SCFD2: variants seen among roughly 807,000 people sequenced by gnomAD.
SCFD2 encodes sec1 family domain containing 2, also known as sec1 family domain-containing protein 2.
A neutral mutation model predicts 58.9 loss-of-function variants in SCFD2; 54 were observed. The ratio of observed to expected loss-of-function variants is 0.92; its 90% CI spans 0.74 to 1.15. SCFD2 has a LOEUF of 1.15. Among genes scored for constraint, SCFD2 ranks in the 50% most tolerant of loss-of-function variants. The pLI, the probability that SCFD2 is intolerant of heterozygous loss-of-function variation, is 0.00. For synonymous variants in SCFD2, 321 were observed against 335.9 expected, an observed-to-expected ratio of 0.96 and a Z score of 0.49; for missense variants, 805 against 836.6, an observed-to-expected ratio of 0.96 and a Z score of 0.47.
intron 5 of SCFD2, among the ~76,000 whole-genome samples, chr4:52,939,028 C>T (rs1720217868): frequency 6.6e-6 from 1 of 152,112 alleles, no homozygotes; most frequent in Admixed American, 6.6e-5. Flanking sequence ...ATCATGGAAG[C>T]CAGGGGACTT....
intron 4 of SCFD2, among the ~76,000 whole-genome samples, chr4:53,219,624 G>C (rs569884533): frequency 6.6e-6 from 1 of 151,998 alleles, no homozygotes; most frequent in Non-Finnish European, 1.5e-5. Context: ...CTCACACTCG[G>C]TGGGCTGCAC....
intron 2 of SCFD2, among the ~76,000 whole-genome samples, chr4:53,341,299 A>G (rs1363853232): frequency 6.6e-6 from 1 of 152,232 alleles, no homozygotes; most frequent in East Asian, 1.9e-4. Context: ...CACAAGAACT[A>G]TATGACACAT....
intron 4 of SCFD2, among the ~76,000 whole-genome samples, chr4:53,180,936 C>A (rs1280824851): frequency 3.3e-5 from 5 of 152,138 alleles, no homozygotes; most frequent in Non-Finnish European, 7.3e-5. Flanking sequence ...CAAATACATG[C>A]TCCCAAGACT....
At chr4:53,233,505 C>T (rs546877904) in intron 4 of SCFD2, among the ~76,000 whole-genome samples, 2 of 152,322 alleles carry the variant, frequency 1.3e-5, no homozygotes, top group African/African-American at 4.8e-5. Context: ...ACTTACTTTG[C>T]CTGATTACTA....
chr4:52,991,382 A>T (rs780935838), intron 5 of SCFD2, among the ~76,000 whole-genome samples: 1 of 152,180 alleles, frequency 6.6e-6, no homozygotes, highest in African/African-American at 2.4e-5. Flanking sequence ...ACTCCCAGAT[A>T]TGTTGATTTC....
At chr4:53,023,757 G>A (rs920747340) in intron 5 of SCFD2, among the ~76,000 whole-genome samples, 14 of 152,142 alleles carry the variant, frequency 9.2e-5, no homozygotes, top group Non-Finnish European at 2.1e-4. Context: ...CTTTTGGAAT[G>A]AGGCATAGTA....
intron 7 of SCFD2, among the ~76,000 whole-genome samples, chr4:52,896,238 A>G (rs1029534850): frequency 1.3e-5 from 2 of 152,208 alleles, no homozygotes; most frequent in African/African-American, 4.8e-5. Flanking sequence ...GTCCTTGCCC[A>G]TGCCTATGTC....
At chr4:52,986,470 C>CT (rs1191658898) in intron 5 of SCFD2, among the ~76,000 whole-genome samples, 2 of 146,268 alleles carry the variant, frequency 1.4e-5, no homozygotes, top group Non-Finnish European at 3.0e-5. Context: ...ACCTTCATCT[C>CT]AAGCTTAGGA....
intron 4 of SCFD2, among the ~76,000 whole-genome samples, chr4:53,215,134 A>C (rs918916699): frequency 2.0e-5 from 3 of 151,950 alleles, no homozygotes; most frequent in Admixed American, 6.6e-5. Context: ...TTGGCAATGC[A>C]GGCTCTTTTT....
At chr4:53,285,067 G>C (rs1174018557) in intron 3 of SCFD2, among the ~76,000 whole-genome samples, 1 of 152,172 alleles carries the variant, frequency 6.6e-6, no homozygotes, top group Non-Finnish European at 1.5e-5. Flanking sequence ...TCTGCTGAAA[G>C]ATCTATTTCA....
chr4:53,163,366 C>T (rs1396277564), intron 4 of SCFD2, among the ~76,000 whole-genome samples: 2 of 152,158 alleles, frequency 1.3e-5, no homozygotes, highest in East Asian at 3.8e-4. Flanking sequence ...CTGGCTTCTT[C>T]CAATTATCAG....
chr4:52,920,771 A>G lies in SCFD2; in HGVS notation c.1661T>C (p.Leu554Pro). The G allele has an allele frequency of 5.0e-6, 8 of 1,611,208 alleles. No homozygotes were observed. The highest frequency in any genetic ancestry group is 6.8e-6 in the Non-Finnish European group (8 of 1,178,064). ...LRDIAGARSL[L>P]KQFKSVYVPG... ...AACATATACAGACTTAAACTGTTTC[A>G]GGAGACTCCGAGCTCCAGCAATATC... The change falls in exon 6 of 9, where the codon CTG becomes CCG. Residue 554 changes from leucine (L) to proline (P), a missense_variant. Leu to Pro is a moderately conservative substitution (Grantham distance 98). Around this residue, in one of 3 missense-constraint regions of SCFD2, gnomAD observed 633 missense variants for 646.8 expected, o/e 0.98. Transcript: ENST00000401642.
chr4:53,073,234 T>C (rs187761829), intron 5 of SCFD2, among the ~76,000 whole-genome samples: 243 of 152,226 alleles, frequency 1.6e-3, no homozygotes, highest in African/African-American at 5.5e-3. Flanking sequence ...CAGGAGGATG[T>C]GCATGGGTTA....
rs559661505 is a variant in SCFD2 at position 52,879,574 on chromosome 4, G to T, written c.1963-5513C>A. 6.6e-5 allele frequency among the ~76,000 whole-genome samples: 10 copies of T among 152,304 alleles called. No individual in the cohort carries two copies. In the East Asian group the frequency reaches 1.9e-3, roughly 29 times the overall value. On this transcript the variant is annotated intron_variant, in intron 8 of 8. Coordinates refer to ENST00000401642, the MANE Select transcript of SCFD2 (RefSeq NM_152540.4). Reference sequence around the variant, plus strand: ...GATGGGGTGGAGGACATCAGCCAGGGAACCAAGTCCCTCCAGCAGCCTTCA... The same window carrying T: ...GATGGGGTGGAGGACATCAGCCAGGTAACCAAGTCCCTCCAGCAGCCTTCA...
chr4:53,032,804 A>T (rs1036068668), intron 5 of SCFD2, among the ~76,000 whole-genome samples: 1 of 152,174 alleles, frequency 6.6e-6, no homozygotes, highest in African/African-American at 2.4e-5. Context: ...ATACACAAGC[A>T]CCCAGATTCA....
intron 3 of SCFD2, among the ~76,000 whole-genome samples, chr4:53,274,361 T>A (rs886263885): frequency 3.3e-5 from 5 of 152,188 alleles, no homozygotes; most frequent in African/African-American, 1.2e-4. Flanking sequence ...TTATGACATA[T>A]GACATAGCAA....
chr4:53,099,267 CAT>C (rs1300805353), intron 5 of SCFD2, among the ~76,000 whole-genome samples: 1 of 152,202 alleles, frequency 6.6e-6, no homozygotes, highest in African/African-American at 2.4e-5. Context: ...CCTTTTGTCA[CAT>C]GAGGTCACAA....
intron 7 of SCFD2, among the ~76,000 whole-genome samples, chr4:52,906,860 A>C (rs1434891583): frequency 6.6e-6 from 1 of 152,220 alleles, no homozygotes; most frequent in Non-Finnish European, 1.5e-5. Context: ...TTTTAGATTT[A>C]GAAACTCTAC....
At chr4:53,136,257 T>A (rs1186159381) in intron 5 of SCFD2, among the ~76,000 whole-genome samples, 1 of 152,228 alleles carries the variant, frequency 6.6e-6, no homozygotes, top group Non-Finnish European at 1.5e-5. Flanking sequence ...ACACAAACCT[T>A]AGTCCTATCC....
Sources: gnomAD v4.1 joint callset for allele counts (sites outside exome capture counted in the v4.1 genomes callset) on GRCh38, gnomAD v4.1.1 for gene constraint, gnomAD v4.1.1 regional missense constraint, MANE v1.5 for transcripts, NCBI Gene and HGNC (gene_info 2026-07-23, HGNC 2026-07-21) for gene names.